EDRF1: variants seen among roughly 807,000 people sequenced by gnomAD.
EDRF1 encodes erythroid differentiation regulatory factor 1.
In EDRF1, 69 loss-of-function variants were observed where a neutral mutation model predicts 148.7. The observed-to-expected ratio is 0.46, with a 90% CI of 0.38 to 0.57. EDRF1 has a LOEUF of 0.57. Ranked by LOEUF, EDRF1 falls within the 20% of genes least tolerant of loss-of-function variation. The pLI, the probability that EDRF1 is intolerant of heterozygous loss-of-function variation, is 0.00. For missense variants in EDRF1, 1,118 were observed against 1,478.7 expected, an observed-to-expected ratio of 0.76 and a Z score of 4.00; for synonymous variants, 515 against 532.8, an observed-to-expected ratio of 0.97 and a Z score of 0.46.
Position 125,745,603 on chromosome 10 carries a change from C to T in EDRF1, c.2591-104C>T, listed in dbSNP as rs992115039. 3 of 1,225,672 alleles carry T rather than the reference C, an allele frequency of 2.4e-6. No individual in the cohort carries two copies. The African/African-American group carries it at 4.5e-5, about 18-fold the overall frequency. The allele number at this position is 1,225,672 out of a possible 1,614,324, so 75.9% of individuals were successfully genotyped here. On this transcript the variant is annotated intron_variant, in intron 18 of 24. Coordinates refer to ENST00000356792, the MANE Select transcript of EDRF1 (RefSeq NM_001202438.2). ...TGACTGCAGGTGACTGGCTCGCCACCACACTCCTGTCACTGCCATCCTCCT... is the reference window on the plus strand; with the variant it reads ...TGACTGCAGGTGACTGGCTCGCCACTACACTCCTGTCACTGCCATCCTCCT...
At chr10:125,731,806 A>C (rs1278660140) in intron 9 of EDRF1, 1 of 434,218 alleles carries the variant, frequency 2.3e-6, no homozygotes, top group African/African-American at 2.0e-5. Context: ...TTGAGTGCTT[A>C]TTTTATCCAA....
At position 125,733,688 on chromosome 10, in the gene EDRF1, A is replaced by G; in HGVS notation, c.1330A>G (p.Thr444Ala). 6.2e-7 allele frequency: 1 copy of G among 1,613,592 alleles called. No homozygotes were observed. Among genetic ancestry groups the G allele is most frequent in the Non-Finnish European group, 8.5e-7 (1 of 1,179,610 alleles). The change falls in exon 11 of 25, where the codon ACT (threonine) becomes GCT (alanine). Residue 444 changes from threonine (T) to alanine (A), a missense_variant. Thr to Ala is a moderately conservative substitution (Grantham distance 58, BLOSUM62 0). Coordinates refer to ENST00000356792, the MANE Select transcript of EDRF1 (RefSeq NM_001202438.2). ...LYDLTTLCEE[T>A]EDKYQNPFTM... ...TGACCTCACTACTCTTTGTGAAGAA[A>G]CTGAAGACAAATACCAAAATCCATT...
chr10:125,721,497 C>T, intron 2 of EDRF1, 85 bp downstream of exon 2: 2 of 1,248,748 alleles, frequency 1.6e-6, no homozygotes, highest in Non-Finnish European at 2.3e-6. Flanking sequence ...TTTGTAATGC[C>T]TATTAACTTG....
chr10:125,761,486 A>C (rs1011158545), intron 24 of EDRF1, among the ~76,000 whole-genome samples: 1 of 152,230 alleles, frequency 6.6e-6, no homozygotes, highest in African/African-American at 2.4e-5. Context: ...TCTCTGCTGC[A>C]GTGCTAAGAA....
rs1201323396 is a variant in EDRF1, at chr10:125,733,401, C to T, written c.1129-3C>T. On this transcript the variant is annotated splice_polypyrimidine_tract_variant and splice_region_variant and intron_variant, in intron 9 of 24. Coordinates refer to ENST00000356792, the MANE Select transcript of EDRF1 (RefSeq NM_001202438.2). Reference sequence around the variant, plus strand: ...CTGCTTTCCATCTGTCTGTATTTTACAGAAATATGAAATGATAAAGACAGA... The same window carrying T: ...CTGCTTTCCATCTGTCTGTATTTTATAGAAATATGAAATGATAAAGACAGA... The T allele has an allele frequency of 2.1e-5, 33 of 1,563,684 alleles. No homozygotes were observed. The highest frequency in any genetic ancestry group is 2.0e-4 in the Middle Eastern group (1 of 4,954).
intron 4 of EDRF1, among the ~76,000 whole-genome samples, chr10:125,724,730 A>G (rs1848170689): frequency 6.6e-6 from 1 of 152,228 alleles, no homozygotes; most frequent in Non-Finnish European, 1.5e-5. Context: ...ACTTTTGAAA[A>G]ACATAATAAC....
At chr10:125,756,789 CT>C in intron 24 of EDRF1, 1 of 424,516 alleles carries the variant, frequency 2.4e-6, no homozygotes, top group Non-Finnish European at 4.6e-6. Flanking sequence ...TTGGGTCTTG[CT>C]TTTTATTTTT....
chr10:125,721,063 AATT>A, intron 1 of EDRF1, 138 bp from the exon 2 acceptor site: 1 of 800,148 alleles, frequency 1.2e-6, no homozygotes, highest in Non-Finnish European at 2.1e-6. Flanking sequence ...TTTATGCTCA[AATT>A]TATTAAGTGC....
rs1848228634 is a variant in EDRF1, at chr10:125,725,748, A to G, written c.702A>G (p.Ser234=). The stretch of plus-strand genomic sequence containing the variant: ...CAGAACAGCAGGAATCGTCCAGTTC[A>G]GATCAGACAAATGATTCGGAAGGGG... ...STAEQQESSS[S]DQTNDSEGAS... is the part of the protein sequence containing the mutation. The change falls in exon 6 of 25, where the codon TCA becomes TCG. Residue 234 remains serine (S), a synonymous_variant. Transcript: ENST00000356792. The G allele has an allele frequency of 6.2e-7, 1 of 1,614,152 alleles. No homozygotes were observed. The highest frequency in any genetic ancestry group is 8.5e-7 in the Non-Finnish European group (1 of 1,180,018).
chr10:125,720,317 C>T (rs2133653330), intron 1 of EDRF1, among the ~76,000 whole-genome samples: 1 of 152,212 alleles, frequency 6.6e-6, no homozygotes, highest in South Asian at 2.1e-4. Flanking sequence ...ACCCAGACGC[C>T]GAACTTGCTT....
chr10:125,726,146 T>C (rs1848250436), intron 6 of EDRF1, among the ~76,000 whole-genome samples: 1 of 152,062 alleles, frequency 6.6e-6, no homozygotes, highest in Non-Finnish European at 1.5e-5. Flanking sequence ...TATAGAGATA[T>C]AGTATATTTT....
rs779660582 is a variant in EDRF1, at chr10:125,744,219, CTTTT to C, written c.2590+957_2590+960del. On this transcript the variant is annotated intron_variant, in intron 18 of 24. Coordinates refer to ENST00000356792, the MANE Select transcript of EDRF1 (RefSeq NM_001202438.2). ...CCTTTGGTTTTGGTTTTGGTTGTTT[CTTTT>C]TTTTTTTTTTTTTGAGACAGGGTTT... Among the ~76,000 whole-genome samples the C allele has an allele frequency of 1.9e-4, 26 of 135,328 alleles. 1 individual carries two copies. Among genetic ancestry groups the C allele is most frequent in the Admixed American group, 1.5e-3 (20 of 13,570 alleles). 88.8% of individuals were successfully genotyped at this position (135,328 alleles called of 152,430 possible).
At chr10:125,731,933 G>A (rs942089614) in intron 9 of EDRF1, 2 of 448,440 alleles carry the variant, frequency 4.5e-6, no homozygotes, top group Admixed American at 4.7e-5. Context: ...CAAGTGAGTT[G>A]CCCAGGGTCA....
chr10:125,720,062 T>G, intron 1 of EDRF1, 147 bp downstream of exon 1: 1 of 672,300 alleles, frequency 1.5e-6, no homozygotes, highest in South Asian at 2.0e-5. Flanking sequence ...AAGTCCATGC[T>G]CCAGTCGGCA....
chr10:125,727,679 C>A (rs1324921423), intron 6 of EDRF1, among the ~76,000 whole-genome samples: 2 of 152,208 alleles, frequency 1.3e-5, no homozygotes, highest in Non-Finnish European at 2.9e-5. Flanking sequence ...TAGTCACACA[C>A]TCTTCCCAAG....
At chr10:125,726,562 T>C (rs1165710385) in intron 6 of EDRF1, among the ~76,000 whole-genome samples, 1 of 152,232 alleles carries the variant, frequency 6.6e-6, no homozygotes, top group Non-Finnish European at 1.5e-5. Flanking sequence ...ATAAGATCTG[T>C]GACTTGATAA....
chr10:125,720,239 C>T (rs1227138123), intron 1 of EDRF1, among the ~76,000 whole-genome samples: 1 of 152,138 alleles, frequency 6.6e-6, no homozygotes, highest in African/African-American at 2.4e-5. Context: ...TGAGACCGAA[C>T]TAATTCACAA....
intron 11 of EDRF1, 111 bp downstream of exon 11, chr10:125,733,854 T>G: frequency 9.4e-7 from 1 of 1,065,728 alleles, no homozygotes; most frequent in South Asian, 1.3e-5. Flanking sequence ...GTTTTCATAG[T>G]AGGGGGAAAA....
intron 17 of EDRF1, chr10:125,742,114 A>G (rs1849054299): frequency 1.2e-6 from 1 of 801,030 alleles, no homozygotes; most frequent in South Asian, 1.5e-5. Flanking sequence ...AGGTTAATTA[A>G]CCTTCTGAAT....
Sources: allele counts gnomAD v4.1 joint callset (sites outside exome capture counted in the v4.1 genomes callset), GRCh38; gene constraint gnomAD v4.1.1; transcripts MANE v1.5; gene names NCBI Gene and HGNC (gene_info 2026-07-23, HGNC 2026-07-21).